The following ZRANB3 variants were observed in gnomAD, a reference collection of about 807,000 sequenced individuals.
The protein encoded by ZRANB3 is DNA annealing helicase and endonuclease ZRANB3.
ZRANB3 carries 125 observed loss-of-function variants against 133.8 expected under a neutral mutation model. The ratio of observed to expected loss-of-function variants is 0.93; its 90% CI spans 0.81 to 1.08. The LOEUF is 1.08. Among genes scored for constraint, ZRANB3 ranks in the 50% least tolerant of loss-of-function variants. The probability of loss-of-function intolerance (pLI) is 0.00; values close to 1 mark genes in which losing one functional copy is unlikely to be tolerated. For missense variants in ZRANB3, 1,229 were observed against 1,275.5 expected, an observed-to-expected ratio of 0.96 and a Z score of 0.56; for synonymous variants, 387 against 432.7, an observed-to-expected ratio of 0.89 and a Z score of 1.31.
intron 2 of ZRANB3, among the ~76,000 whole-genome samples, chr2:135,418,953 T>C: frequency 7.6e-6 from 1 of 131,088 alleles, no homozygotes; most frequent in Non-Finnish European, 1.6e-5. Flanking sequence ...TTTTTTTTTT[T>C]TTGAGACGGA....
intron 12 of ZRANB3, among the ~76,000 whole-genome samples, chr2:135,262,321 T>C (rs1337775092): frequency 6.6e-6 from 1 of 152,086 alleles, no homozygotes; most frequent in Non-Finnish European, 1.5e-5. Context: ...TTTAATACAA[T>C]TCTACATAAA....
intron 19 of ZRANB3, among the ~76,000 whole-genome samples, chr2:135,204,770 TATATACTTA>T (rs1487775989): frequency 7.3e-6 from 1 of 137,724 alleles, no homozygotes; most frequent in Non-Finnish European, 1.5e-5. Context: ...ATATATATTA[TATATACTTA>T]TATATATACA....
chr2:135,475,411 A>G (rs1691461461), intron 2 of ZRANB3, among the ~76,000 whole-genome samples: 1 of 152,198 alleles, frequency 6.6e-6, no homozygotes, highest in South Asian at 2.1e-4. Context: ...GTAAATAACT[A>G]ACTCACAATA....
chr2:135,270,054 C>CATTA (rs1680441001), intron 10 of ZRANB3, among the ~76,000 whole-genome samples: 1 of 151,892 alleles, frequency 6.6e-6, no homozygotes, highest in Non-Finnish European at 1.5e-5. Flanking sequence ...ATCATGCTAG[C>CATTA]ATTAATTAAA....
At chr2:135,245,473 G>A (rs1433153910) in intron 12 of ZRANB3, among the ~76,000 whole-genome samples, 1 of 151,954 alleles carries the variant, frequency 6.6e-6, no homozygotes, top group Non-Finnish European at 1.5e-5. Flanking sequence ...GTTTTTTGAG[G>A]CAGAATCTCA....
rs137970606 is a variant in ZRANB3 at position 135,352,682 on chromosome 2, A to C, written c.359+768T>G. ...ATATACCTTTTATGTTAACAGTCTT[A>C]GAGAATACAATACAGTACAATAATA... is the stretch of plus-strand genomic sequence containing the variant. On this transcript the variant is annotated intron_variant, in intron 4 of 20. Coordinates refer to ENST00000264159, the MANE Select transcript of ZRANB3 (RefSeq NM_032143.4). 4.1e-4 allele frequency among the ~76,000 whole-genome samples: 63 copies of C among 152,322 alleles called. 1 individual carries two copies. The East Asian group carries it at 0.012, about 28-fold the overall frequency.
intron 15 of ZRANB3, among the ~76,000 whole-genome samples, chr2:135,223,482 C>T (rs190181381): frequency 5.9e-4 from 90 of 151,808 alleles, no homozygotes; most frequent in African/African-American, 2.2e-3. Context: ...CTTGCTACCA[C>T]ACCCAGCTAA....
intron 13 of ZRANB3, among the ~76,000 whole-genome samples, chr2:135,229,521 C>T (rs1483565191): frequency 1.3e-5 from 2 of 151,766 alleles, no homozygotes; most frequent in African/African-American, 2.4e-5. Flanking sequence ...GCGCCCGCTA[C>T]CACGCCCGGC....
chr2:135,263,844 C>T (rs1337845442), intron 12 of ZRANB3, among the ~76,000 whole-genome samples: 3 of 151,416 alleles, frequency 2.0e-5, no homozygotes, highest in Admixed American at 6.6e-5. Context: ...GGCGTGATCT[C>T]GGCTCACCAA....
chr2:135,370,538 A>C lies in ZRANB3; in HGVS notation c.181-16910T>G, dbSNP rs542188837. ...TAATCCATAGTTCTAAGAACTTACC[A>C]AACAGAAGACTCAATAATATTTATT... On this transcript the variant is annotated intron_variant, in intron 3 of 20. Coordinates refer to ENST00000264159, the MANE Select transcript of ZRANB3 (RefSeq NM_032143.4). Among the ~76,000 whole-genome samples, 4 of 152,262 alleles carry C rather than the reference A, an allele frequency of 2.6e-5. No individual in the cohort carries two copies. The East Asian group carries it at 5.8e-4, about 22-fold the overall frequency.
rs1271746179 is a variant in ZRANB3 at position 135,315,970 on chromosome 2, G to T, written c.678-440C>A. Among the ~76,000 whole-genome samples the T allele has an allele frequency of 3.3e-5, 5 of 152,292 alleles. No homozygotes were observed. In the East Asian group the frequency reaches 5.8e-4, roughly 18 times the overall value. ...ACATTTTCTGTGCCCTCTAGGAGGA[G>T]ATATTATCTCCAATAGGGCTGTTAA... is the stretch of plus-strand genomic sequence containing the variant. On this transcript the variant is annotated intron_variant, in intron 6 of 20. Transcript: ENST00000264159.
At chr2:135,307,034 A>G (rs1682741914) in intron 8 of ZRANB3, among the ~76,000 whole-genome samples, 1 of 152,146 alleles carries the variant, frequency 6.6e-6, no homozygotes, top group Non-Finnish European at 1.5e-5. Context: ...CAAATGTTTT[A>G]ATTAATGAAT....
chr2:135,208,922 C>A lies in ZRANB3; in HGVS notation c.2552G>T (p.Gly851Val). The A allele has an allele frequency of 6.2e-7, 1 of 1,613,934 alleles. No homozygotes were observed. The highest frequency in any genetic ancestry group is 8.5e-7 in the Non-Finnish European group (1 of 1,179,864). ...CTTTGTGATCAGACGGACATGGCCC[C>A]CAACATTCTTCACTTTGTCCATTGA... ...VASMDKVKNV[G>V]GHVRLITKES... The change falls in exon 18 of 21, where the codon GGG (glycine) becomes GTG (valine). Residue 851 changes from glycine (G) to valine (V), a missense_variant. Coordinates refer to ENST00000264159, the MANE Select transcript of ZRANB3 (RefSeq NM_032143.4).
chr2:135,204,652 T>A (rs10706253), intron 19 of ZRANB3, among the ~76,000 whole-genome samples: 8,470 of 122,672 alleles, frequency 0.069, 555 homozygotes, highest in African/African-American at 0.24. Flanking sequence ...AAAAAAAAAA[T>A]ATATATATAT....
At chr2:135,203,946 T>C (rs1410413467) in intron 19 of ZRANB3, among the ~76,000 whole-genome samples, 2 of 152,366 alleles carry the variant, frequency 1.3e-5, no homozygotes, top group Admixed American at 6.5e-5. Flanking sequence ...TCATTTTACC[T>C]GAGGTAGTAA....
At chr2:135,404,604 T>A (rs1051149903) in intron 2 of ZRANB3, among the ~76,000 whole-genome samples, 2 of 152,032 alleles carry the variant, frequency 1.3e-5, no homozygotes, top group African/African-American at 4.8e-5. Flanking sequence ...CAGAGAATGC[T>A]ACAAAGATAC....
chr2:135,336,412 T>C (rs997372055), intron 6 of ZRANB3, among the ~76,000 whole-genome samples: 4 of 152,214 alleles, frequency 2.6e-5, no homozygotes, highest in African/African-American at 9.6e-5. Flanking sequence ...AATTATAGTG[T>C]GAAAATGACA....
chr2:135,343,717 G>A (rs1278216215), intron 6 of ZRANB3, among the ~76,000 whole-genome samples: 1 of 149,970 alleles, frequency 6.7e-6, no homozygotes, highest in African/African-American at 2.5e-5. Context: ...GTAGACAGAA[G>A]GGCAAACAGC....
At position 135,527,524 on chromosome 2, in the gene ZRANB3, G is replaced by T. The variant is rs544796169; in HGVS notation, c.-8+3603C>A. On this transcript the variant is annotated intron_variant, in intron 1 of 20. Coordinates refer to ENST00000264159, the MANE Select transcript of ZRANB3 (RefSeq NM_032143.4). Reference sequence around the variant, plus strand: ...CAGTGAGCCACTGTACTCCAGCCTGGAAGACAGAGCAAGACTCTGTCGCAA... The same window carrying T: ...CAGTGAGCCACTGTACTCCAGCCTGTAAGACAGAGCAAGACTCTGTCGCAA... Among the ~76,000 whole-genome samples, 3 of 151,870 alleles carry T rather than the reference G, an allele frequency of 2.0e-5. No individual in the cohort carries two copies. In the East Asian group the frequency reaches 5.8e-4, roughly 29 times the overall value.
Sources: gnomAD v4.1 joint callset for allele counts (sites outside exome capture counted in the v4.1 genomes callset) on GRCh38, gnomAD v4.1.1 for gene constraint, MANE v1.5 for transcripts, NCBI Gene and HGNC (gene_info 2026-07-23, HGNC 2026-07-21) for gene names.